Variants in JAZF1 observed in about 807,000 individuals in gnomAD.
JAZF1 encodes juxtaposed with another zinc finger protein 1.
A neutral mutation model predicts 26.4 loss-of-function variants in JAZF1; 8 were observed. The observed-to-expected ratio is 0.30, with a 90% CI of 0.18 to 0.55. The LOEUF is 0.55. Ranked by LOEUF, JAZF1 falls within the 20% of genes least tolerant of loss-of-function variation. JAZF1 has a pLI of 0.94. For missense variants in JAZF1, 199 were observed against 322.0 expected, an observed-to-expected ratio of 0.62 and a Z score of 2.92; for synonymous variants, 126 against 122.3, an observed-to-expected ratio of 1.03 and a Z score of -0.20.
chr7:27,949,525 C>T (rs1025548816), intron 2 of JAZF1, among the ~76,000 whole-genome samples: 1 of 152,156 alleles, frequency 6.6e-6, no homozygotes, highest in African/African-American at 2.4e-5. Context: ...TAAAAGTCTG[C>T]CTCCGGCCAG....
chr7:27,935,489 T>C (rs1049878876), intron 2 of JAZF1, among the ~76,000 whole-genome samples: 1 of 152,082 alleles, frequency 6.6e-6, no homozygotes, highest in African/African-American at 2.4e-5. Flanking sequence ...AAATCCAGAA[T>C]AGGCAAATCT....
rs141581025 is a variant in JAZF1 at position 27,866,743 on chromosome 7, C to T, written c.386-25876G>A. ...ATGTAGTTTACATTTCGAACACACT[C>T]GATTACCATACTGCTTCCTAACGGT... On this transcript the variant is annotated intron_variant, in intron 3 of 4. Transcript: ENST00000283928. Among the ~76,000 whole-genome samples the T allele has an allele frequency of 2.0e-4, 31 of 152,294 alleles. No homozygotes were observed. In the East Asian group the frequency reaches 5.2e-3, roughly 26 times the overall value.
chr7:27,906,088 T>TTTTCC (rs1784251331), intron 2 of JAZF1, among the ~76,000 whole-genome samples: 4 of 152,228 alleles, frequency 2.6e-5, no homozygotes, highest in African/African-American at 9.7e-5. Context: ...AACAGAACTC[T>TTTTCC]TAAATTTAGG....
intron 2 of JAZF1, among the ~76,000 whole-genome samples, chr7:27,915,340 C>T (rs1054355181): frequency 2.6e-5 from 4 of 152,136 alleles, no homozygotes; most frequent in African/African-American, 9.7e-5. Flanking sequence ...CTGTGGTTAA[C>T]GAGTGCCTTC....
At chr7:28,055,440 C>T (rs1165443911) in intron 1 of JAZF1, among the ~76,000 whole-genome samples, 2 of 152,154 alleles carry the variant, frequency 1.3e-5, no homozygotes, top group Non-Finnish European at 2.9e-5. Flanking sequence ...CTATGAAGAT[C>T]TCCCAGCCCA....
chr7:27,852,547 C>T (rs1156504765), intron 3 of JAZF1, among the ~76,000 whole-genome samples: 1 of 152,162 alleles, frequency 6.6e-6, no homozygotes, highest in African/African-American at 2.4e-5. Context: ...CATCTTGCAA[C>T]CCTCTCTCAG....
intron 1 of JAZF1, among the ~76,000 whole-genome samples, chr7:27,997,090 G>C (rs1786032313): frequency 6.6e-6 from 1 of 152,146 alleles, no homozygotes; most frequent in South Asian, 2.1e-4. Context: ...CCATACAGGA[G>C]TAGACAAAGA....
Position 28,077,833 on chromosome 7 carries a change from A to T in JAZF1, c.116-85852T>A, listed in dbSNP as rs561947897. Among the ~76,000 whole-genome samples the T allele has an allele frequency of 4.5e-4, 69 of 152,200 alleles. 1 individual carries two copies. The highest frequency in any genetic ancestry group is 1.7e-3 in the African/African-American group (69 of 41,516). On this transcript the variant is annotated intron_variant, in intron 1 of 4. Transcript: ENST00000283928. ...GCTGGAGCTCTGGGAGTCCATGGGG[A>T]ATTTCCACGTTCACCATGGAAACTG...
intron 1 of JAZF1, among the ~76,000 whole-genome samples, chr7:28,119,605 C>T (rs1339782584): frequency 6.6e-6 from 1 of 152,154 alleles, no homozygotes; most frequent in East Asian, 1.9e-4. Flanking sequence ...CTTCTTTATT[C>T]CTCTATTTAC....
chr7:27,849,093 A>G (rs1783081811), intron 3 of JAZF1, among the ~76,000 whole-genome samples: 1 of 151,936 alleles, frequency 6.6e-6, no homozygotes, highest in Non-Finnish European at 1.5e-5. Flanking sequence ...TTGGTTTCAA[A>G]ATTTGTGTTC....
chr7:28,078,104 A>G (rs1484730580), intron 1 of JAZF1, among the ~76,000 whole-genome samples: 1 of 152,204 alleles, frequency 6.6e-6, no homozygotes, highest in African/African-American at 2.4e-5. Context: ...AGATGAAAAA[A>G]ATTGAGAATT....
At position 28,116,475 on chromosome 7, in the gene JAZF1, C is replaced by T. The variant is rs575144291; in HGVS notation, c.115+63988G>A. On this transcript the variant is annotated intron_variant, in intron 1 of 4. Coordinates refer to ENST00000283928, the MANE Select transcript of JAZF1 (RefSeq NM_175061.4). ...TCTCTCTTTTTTTCAGACAGAGTCT[C>T]GCCCTGTCACCCAGGCTGGAGTGCA... Among the ~76,000 whole-genome samples the T allele has an allele frequency of 2.9e-4, 44 of 152,282 alleles. 1 individual carries two copies. The highest frequency in any genetic ancestry group is 9.4e-4 in the African/African-American group (39 of 41,560).
At chr7:28,145,930 A>G (rs753327053) in intron 1 of JAZF1, among the ~76,000 whole-genome samples, 11 of 152,206 alleles carry the variant, frequency 7.2e-5, no homozygotes, top group Non-Finnish European at 1.6e-4. Flanking sequence ...TTTGAGAGTC[A>G]TGCATGTTGC....
intron 1 of JAZF1, among the ~76,000 whole-genome samples, chr7:28,120,593 C>T (rs548513841): frequency 4.2e-5 from 6 of 144,348 alleles, no homozygotes; most frequent in South Asian, 2.3e-4. Context: ...CCACAACCTC[C>T]GCCTCCCGGG....
intron 1 of JAZF1, among the ~76,000 whole-genome samples, chr7:28,000,598 TTTTCTTTC>T (rs149120555): frequency 0.58 from 71,408 of 123,940 alleles, 21,045 homozygotes; most frequent in Non-Finnish European, 0.71. Context: ...CCTATTTTCT[TTTTCTTTC>T]TTTCTTTCTT....
chr7:28,015,908 C>G (rs1327863454), intron 1 of JAZF1, among the ~76,000 whole-genome samples: 3 of 152,162 alleles, frequency 2.0e-5, no homozygotes, highest in Admixed American at 6.5e-5. Context: ...TCCCCAGGCT[C>G]CAGGTCCCTG....
At chr7:27,997,010 G>T (rs943557368) in intron 1 of JAZF1, among the ~76,000 whole-genome samples, 2 of 152,164 alleles carry the variant, frequency 1.3e-5, no homozygotes, top group Admixed American at 6.5e-5. Context: ...AACTAACCAA[G>T]GATAGAAGAA....
intron 2 of JAZF1, among the ~76,000 whole-genome samples, chr7:27,921,369 C>G (rs1395342567): frequency 6.8e-6 from 1 of 147,764 alleles, no homozygotes; most frequent in East Asian, 2.0e-4. Context: ...CAAGTGTTGT[C>G]TAGGAAAATA....
rs1263505909 is a variant in JAZF1, at chr7:28,059,666, A to G, written c.116-67685T>C. ...CGTATTTTAGAACCTCCTTTCATGA[A>G]AATATGTTGCTCCTCTTTCCCTGGT... On this transcript the variant is annotated intron_variant, in intron 1 of 4. Transcript: ENST00000283928. Among the ~76,000 whole-genome samples, 16 of 152,152 alleles carry G rather than the reference A, an allele frequency of 1.1e-4. 1 individual carries two copies. Among genetic ancestry groups the G allele is most frequent in the Admixed American group, 1.0e-3 (16 of 15,274 alleles).
Sources: gnomAD v4.1 joint callset for allele counts (sites outside exome capture counted in the v4.1 genomes callset) on GRCh38, gnomAD v4.1.1 for gene constraint, MANE v1.5 for transcripts, NCBI Gene and HGNC (gene_info 2026-07-23, HGNC 2026-07-21) for gene names.